Variants in TBX15 observed in about 807,000 individuals in gnomAD.
TBX15 encodes the protein T-box transcription factor 15, also known as T-box transcription factor TBX15.
In TBX15, 18 loss-of-function variants were observed where a neutral mutation model predicts 53.9. That is an observed-to-expected ratio of 0.33 (90% CI 0.23 to 0.49). The LOEUF is 0.49. Among genes scored for constraint, TBX15 ranks in the 20% least tolerant of loss-of-function variants. The probability of loss-of-function intolerance (pLI) is 0.98; values close to 1 mark genes in which losing one functional copy is unlikely to be tolerated. For missense variants in TBX15, 692 were observed against 749.5 expected (o/e 0.92, Z 0.90); for synonymous variants, 295 against 278.0 (o/e 1.06, Z -0.61).
chr1:118,919,786 A>T (rs574959911), intron 5 of TBX15, among the ~76,000 whole-genome samples: 64 of 152,310 alleles, frequency 4.2e-4, no homozygotes, highest in Non-Finnish European at 4.6e-4. Context: ...TTATTTGAGC[A>T]ATCAACATTA....
intron 7 of TBX15, among the ~76,000 whole-genome samples, chr1:118,896,080 A>AT (rs931333039): frequency 7.2e-5 from 11 of 151,962 alleles, no homozygotes; most frequent in African/African-American, 2.2e-4. Context: ...ACATTATGAG[A>AT]TTTTTTGTAG....
intron 5 of TBX15, among the ~76,000 whole-genome samples, chr1:118,915,617 A>G (rs540387252): frequency 6.6e-6 from 1 of 152,350 alleles, no homozygotes; most frequent in South Asian, 2.1e-4. Context: ...TGAATACTGT[A>G]TTGAGTTTAA....
chr1:118,981,887 T>TA (rs750944619), intron 1 of TBX15, among the ~76,000 whole-genome samples: 14 of 152,254 alleles, frequency 9.2e-5, no homozygotes, highest in Non-Finnish European at 1.8e-4. Flanking sequence ...ATTCCAGACT[T>TA]ACTAGAAACC....
intron 6 of TBX15, among the ~76,000 whole-genome samples, chr1:118,899,400 G>A (rs1212945901): frequency 6.6e-6 from 1 of 151,958 alleles, no homozygotes; most frequent in Non-Finnish European, 1.5e-5. Flanking sequence ...TAGGTCTGCA[G>A]GCAAAAAAGC....
chr1:118,923,619 G>A lies in TBX15; in HGVS notation c.694-16C>T, dbSNP rs1220911869. 3.1e-6 allele frequency: 5 copies of A among 1,613,658 alleles called. No homozygotes were observed. The highest frequency in any genetic ancestry group is 3.4e-6 in the Non-Finnish European group (4 of 1,179,806). ...GCAGAATGATCTGAAATAAAAAGGG[G>A]AATTGTACCAGGCTTGGCTTTAAGG... On this transcript the variant is annotated splice_polypyrimidine_tract_variant and intron_variant, in intron 4 of 7. Coordinates refer to ENST00000369429, the MANE Select transcript of TBX15 (RefSeq NM_001330677.2).
chr1:118,979,253 G>A (rs1450252985), intron 1 of TBX15, among the ~76,000 whole-genome samples: 1 of 151,410 alleles, frequency 6.6e-6, no homozygotes, highest in African/African-American at 2.4e-5. Flanking sequence ...TAATCCCCAA[G>A]AGCAGCGGGA....
rs34081549 is a variant in TBX15 at position 118,926,874 on chromosome 1, T to TTGTGTG, written c.420-269_420-264dup. On this transcript the variant is annotated intron_variant, in intron 2 of 7. Coordinates refer to ENST00000369429, the MANE Select transcript of TBX15 (RefSeq NM_001330677.2). ...GCATGAGCCACCACGCCCAGCTAAT[T>TTGTGTG]TGTGTGTGTGTGTGTGTGTGTGTGT... Among the ~76,000 whole-genome samples, 68 of 149,076 alleles carry TTGTGTG rather than the reference T, an allele frequency of 4.6e-4. No individual in the cohort carries two copies. The East Asian group carries it at 5.4e-3, about 12-fold the overall frequency.
At chr1:118,967,994 C>T (rs1405531455) in intron 1 of TBX15, among the ~76,000 whole-genome samples, 5 of 152,196 alleles carry the variant, frequency 3.3e-5, no homozygotes, top group African/African-American at 9.6e-5. Flanking sequence ...AAGTAATTTT[C>T]TGACTTAGCT....
rs1005984414 is a variant in TBX15 at position 118,973,172 on chromosome 1, T to G, written c.205+14419A>C. On this transcript the variant is annotated intron_variant, in intron 1 of 7. Transcript: ENST00000369429. ...GCAATATTATTGCCCTCATTTGACATGTACACAGCTGAGGTACAGTGTGCC... is the reference window on the plus strand; with the variant it reads ...GCAATATTATTGCCCTCATTTGACAGGTACACAGCTGAGGTACAGTGTGCC... Among the ~76,000 whole-genome samples, 8 of 152,350 alleles carry G rather than the reference T, an allele frequency of 5.3e-5. 2 individuals are homozygous for G. Among genetic ancestry groups the G allele is most frequent in the Admixed American group, 5.2e-4 (8 of 15,302 alleles).
At chr1:118,933,124 C>T (rs536762509) in intron 1 of TBX15, among the ~76,000 whole-genome samples, 8 of 152,272 alleles carry the variant, frequency 5.3e-5, no homozygotes, top group African/African-American at 1.9e-4. Context: ...AGCAGGTTTG[C>T]AGACCTGTGA....
At chr1:118,930,523 C>T (rs1184125946) in intron 2 of TBX15, among the ~76,000 whole-genome samples, 2 of 152,340 alleles carry the variant, frequency 1.3e-5, no homozygotes, top group East Asian at 3.9e-4. Flanking sequence ...TCAAGCGATT[C>T]TCCTGCCTCA....
intron 1 of TBX15, among the ~76,000 whole-genome samples, chr1:118,950,809 C>T (rs188667842): frequency 1.3e-5 from 2 of 152,302 alleles, no homozygotes; most frequent in Non-Finnish European, 1.5e-5. Context: ...AGTTCTCAAG[C>T]TTGCCAGTAT....
chr1:118,960,953 C>T (rs570148182), intron 1 of TBX15, among the ~76,000 whole-genome samples: 6 of 152,230 alleles, frequency 3.9e-5, no homozygotes, highest in Non-Finnish European at 7.4e-5. Flanking sequence ...CGACACTGGG[C>T]GGCCATGGAC....
chr1:118,987,056 T>C (rs1014514889), intron 1 of TBX15, among the ~76,000 whole-genome samples: 2 of 152,236 alleles, frequency 1.3e-5, no homozygotes, highest in Non-Finnish European at 2.9e-5. Flanking sequence ...ACATCCATTC[T>C]TGTTTCCGTA....
At chr1:118,945,240 A>G (rs1174131582) in intron 1 of TBX15, among the ~76,000 whole-genome samples, 1 of 152,218 alleles carries the variant, frequency 6.6e-6, no homozygotes, top group African/African-American at 2.4e-5. Flanking sequence ...TAAGTGGGAC[A>G]GTGTATAAGA....
chr1:118,937,480 G>A (rs1656006871), intron 1 of TBX15, among the ~76,000 whole-genome samples: 1 of 152,142 alleles, frequency 6.6e-6, no homozygotes, highest in Non-Finnish European at 1.5e-5. Flanking sequence ...TGATAGTTCT[G>A]TCTTCTATCC....
chr1:118,935,880 T>A (rs1211173156), intron 1 of TBX15, among the ~76,000 whole-genome samples: 1 of 152,186 alleles, frequency 6.6e-6, no homozygotes, highest in Non-Finnish European at 1.5e-5. Context: ...CTTGTATTTT[T>A]ATGTCTATTT....
intron 1 of TBX15, among the ~76,000 whole-genome samples, chr1:118,958,482 G>A (rs766431177): frequency 4.6e-5 from 7 of 152,098 alleles, no homozygotes; most frequent in Admixed American, 2.6e-4. Context: ...CCAATATCAC[G>A]CCAATATTTT....
rs1653871002 is a variant in TBX15 at position 118,884,865 on chromosome 1, G to A, written c.1676C>T (p.Pro559Leu). 19 of 1,614,166 alleles carry A rather than the reference G, an allele frequency of 1.2e-5. No homozygotes were observed. Among genetic ancestry groups the A allele is most frequent in the Non-Finnish European group, 1.5e-5 (18 of 1,180,016 alleles). The change falls in exon 8 of 8, where the codon CCG becomes CTG. Residue 559 changes from proline (P) to leucine (L), a missense_variant. Around this residue, in one of 3 missense-constraint regions of TBX15, gnomAD observed 375 missense variants for 371.6 expected, o/e 1.01. Transcript: ENST00000369429. ...NGAFGERQYL[P>L]SGMEHSMHMI... ...GTGCATGCTGTGCTCCATCCCTGAC[G>A]GCAGGTACTGCCTCTCTCCAAAGGC...
Sources: allele counts gnomAD v4.1 joint callset (sites outside exome capture counted in the v4.1 genomes callset), GRCh38; gene constraint gnomAD v4.1.1; regional missense constraint gnomAD v4.1.1; transcripts MANE v1.5; gene names NCBI Gene and HGNC (gene_info 2026-07-23, HGNC 2026-07-21).